The following HEATR5A variants were observed in gnomAD, a reference collection of about 807,000 sequenced individuals.
HEATR5A encodes the protein HEAT repeat containing 5A.
A neutral mutation model predicts 218.8 loss-of-function variants in HEATR5A; 178 were observed. That is an observed-to-expected ratio of 0.81 (90% confidence interval 0.72 to 0.92). The LOEUF (loss-of-function observed/expected upper bound fraction) is 0.92. Ranked by LOEUF, HEATR5A falls within the 40% of genes least tolerant of loss-of-function variation. HEATR5A has a pLI of 0.00. For synonymous variants in HEATR5A, 864 were observed against 871.6 expected (o/e 0.99, Z 0.15); for missense variants, 2,420 against 2,418.9 (o/e 1.00, Z -0.01).
chr14:31,313,068 A>G lies in HEATR5A; in HGVS notation c.4341T>C (p.Tyr1447=), dbSNP rs775968804. ...CSSDGLLDLV[Y]ADLGTLSRLW... is the part of the protein sequence containing the mutation. Reference sequence around the variant, plus strand: ...GTCTGCTTAGTGTGCCAAGATCTGCATAGACTAAGTCAAGCAGTCCATCTG... The same window carrying G: ...GTCTGCTTAGTGTGCCAAGATCTGCGTAGACTAAGTCAAGCAGTCCATCTG... The change falls in exon 28 of 36, where the codon TAT becomes TAC. Residue 1447 remains tyrosine (Y), a synonymous_variant. Coordinates refer to ENST00000543095, the MANE Select transcript of HEATR5A (RefSeq NM_015473.4). The G allele has an allele frequency of 1.2e-6, 2 of 1,613,862 alleles. No homozygotes were observed. The highest frequency in any genetic ancestry group is 1.7e-5 in the Admixed American group (1 of 60,012).
At chr14:31,294,429 ATTT>A (rs3033605) in intron 34 of HEATR5A, among the ~76,000 whole-genome samples, 2 of 142,564 alleles carry the variant, frequency 1.4e-5, no homozygotes, top group Non-Finnish European at 1.5e-5. Context: ...CTCCTGTAAC[ATTT>A]TTTTTTTTTT....
chr14:31,374,749 C>A, intron 12 of HEATR5A, 67 bp downstream of exon 12: 1 of 1,416,894 alleles, frequency 7.1e-7, no homozygotes. Flanking sequence ...CATACAAGTA[C>A]ATGTTAAAGA....
At chr14:31,338,145 C>T (rs375329259) in intron 21 of HEATR5A, among the ~76,000 whole-genome samples, 1 of 152,104 alleles carries the variant, frequency 6.6e-6, no homozygotes, top group East Asian at 1.9e-4. Flanking sequence ...CTCTAGAGTG[C>T]CTTAGTTTCC....
intron 18 of HEATR5A, among the ~76,000 whole-genome samples, chr14:31,349,565 T>C (rs780459076): frequency 1.3e-5 from 2 of 152,262 alleles, no homozygotes; most frequent in African/African-American, 4.8e-5. Context: ...ATATAGATTC[T>C]GATCTTTCTT....
chr14:31,337,867 A>T (rs1481817282), intron 21 of HEATR5A, among the ~76,000 whole-genome samples: 1 of 152,244 alleles, frequency 6.6e-6, no homozygotes, highest in Non-Finnish European at 1.5e-5. Context: ...GTCTTTTGGC[A>T]GTGTCAGAAG....
At chr14:31,326,133 T>C (rs1185385609) in intron 23 of HEATR5A, 30 bp downstream of exon 23, 2 of 1,567,784 alleles carry the variant, frequency 1.3e-6, no homozygotes, top group African/African-American at 2.7e-5. Context: ...TTCAATTTTA[T>C]TATTTTAACT....
rs117714871 is a variant in HEATR5A at position 31,414,215 on chromosome 14, C to A, written c.-75+6257G>T. On this transcript the variant is annotated intron_variant, in intron 1 of 35. Coordinates refer to ENST00000543095, the MANE Select transcript of HEATR5A (RefSeq NM_015473.4). The stretch of plus-strand genomic sequence containing the variant: ...AGAAGTTTTACTTTTCTTGTATCTC[C>A]CACCACACTCTTCTGAAAGTCACTA... 9.7e-4 allele frequency among the ~76,000 whole-genome samples: 148 copies of A among 152,228 alleles called. 1 individual carries two copies. In the East Asian group the frequency reaches 0.02, roughly 21 times the overall value.
Position 31,372,691 on chromosome 14 carries a change from G to C in HEATR5A, c.1862-782C>G, listed in dbSNP as rs536769390. 2.0e-5 allele frequency among the ~76,000 whole-genome samples: 3 copies of C among 152,174 alleles called. No homozygotes were observed. In the East Asian group the frequency reaches 5.8e-4, roughly 29 times the overall value. On this transcript the variant is annotated intron_variant, in intron 12 of 35. Transcript: ENST00000543095. ...AAAAATACAAAATTAGCTGAGCATG[G>C]TGGCGCATGCCTGTAATCCCAGCTA...
chr14:31,387,916 T>G (rs980184590), intron 7 of HEATR5A, among the ~76,000 whole-genome samples: 1 of 152,204 alleles, frequency 6.6e-6, no homozygotes, highest in African/African-American at 2.4e-5. Flanking sequence ...TGTTTTATTT[T>G]GGTCAGACTA....
At chr14:31,340,972 G>C (rs1353848861) in intron 21 of HEATR5A, among the ~76,000 whole-genome samples, 1 of 152,228 alleles carries the variant, frequency 6.6e-6, no homozygotes. Context: ...GGAAGTTAAA[G>C]AGCATGCAGT....
intron 6 of HEATR5A, 112 bp from the exon 7 acceptor site, chr14:31,389,117 C>G: frequency 1.0e-6 from 1 of 985,732 alleles, no homozygotes; most frequent in Non-Finnish European, 1.5e-6. Flanking sequence ...AAAATTCAAA[C>G]AAAATGCAAA....
chr14:31,397,992 G>T (rs2030724679), intron 4 of HEATR5A, among the ~76,000 whole-genome samples: 1 of 151,936 alleles, frequency 6.6e-6, no homozygotes, highest in Admixed American at 6.6e-5. Context: ...TACATATTAG[G>T]GACCACGGAT....
intron 22 of HEATR5A, 150 bp from the exon 23 acceptor site, chr14:31,326,492 T>C (rs1900270267): frequency 1.6e-6 from 1 of 618,494 alleles, no homozygotes; most frequent in Non-Finnish European, 2.8e-6. Context: ...CTGAGATCCA[T>C]TTTAGTTCAC....
chr14:31,321,651 A>G lies in HEATR5A; in HGVS notation c.3817T>C (p.Leu1273=). 6.2e-7 allele frequency: 1 copy of G among 1,608,816 alleles called. No individual in the cohort carries two copies. Among genetic ancestry groups the G allele is most frequent in the Non-Finnish European group, 8.5e-7 (1 of 1,177,738 alleles). The change falls in exon 25 of 36, where the codon TTA becomes CTA. Residue 1273 remains leucine (L), a synonymous_variant. Transcript: ENST00000543095. Reference sequence around the variant, plus strand: ...GCAGCCATAAAAGCCATGCGAATTAAGTCAGCAAGATGCAGTACCAAAAAG... The same window carrying G: ...GCAGCCATAAAAGCCATGCGAATTAGGTCAGCAAGATGCAGTACCAAAAAG... ...NDFLVLHLAD[L]IRMAFMAATD... is the part of the protein sequence containing the mutation.
In HEATR5A at chr14:31,347,802, A is replaced by T; in HGVS notation, c.2814T>A (p.Ser938=). The T allele has an allele frequency of 6.2e-7, 1 of 1,611,896 alleles. No individual in the cohort carries two copies. The highest frequency in any genetic ancestry group is 8.5e-7 in the Non-Finnish European group (1 of 1,178,946). The change falls in exon 19 of 36, where the codon TCT becomes TCA. Residue 938 remains serine, a synonymous_variant. Coordinates refer to ENST00000543095, the MANE Select transcript of HEATR5A (RefSeq NM_015473.4). The part of the protein sequence containing the change: ...GGISSSQHLN[S]CIGILYTLAQ... ...CCAAAGTATAAAGGATTCCAATACAAGAATTTAGGTGTTGAGAAGAACTTA... is the reference window on the plus strand; with the variant it reads ...CCAAAGTATAAAGGATTCCAATACATGAATTTAGGTGTTGAGAAGAACTTA...
intron 22 of HEATR5A, among the ~76,000 whole-genome samples, chr14:31,334,102 A>G (rs1900570273): frequency 6.6e-6 from 1 of 151,564 alleles, no homozygotes; most frequent in Non-Finnish European, 1.5e-5. Flanking sequence ...TCTGTTTACA[A>G]CTGGGTTTAC....
intron 11 of HEATR5A, among the ~76,000 whole-genome samples, chr14:31,379,565 A>G (rs1284212381): frequency 6.6e-6 from 1 of 152,154 alleles, no homozygotes; most frequent in Non-Finnish European, 1.5e-5. Context: ...CAGTTGTTTT[A>G]TATCTAGCTA....
intron 32 of HEATR5A, among the ~76,000 whole-genome samples, chr14:31,303,708 C>G (rs896488916): frequency 6.6e-6 from 1 of 152,018 alleles, no homozygotes; most frequent in Non-Finnish European, 1.5e-5. Context: ...TTTAGGGAAG[C>G]CTTTATACAT....
At chr14:31,392,966 G>GTTTCCAAAA (rs1183003781) in intron 6 of HEATR5A, among the ~76,000 whole-genome samples, 4 of 152,188 alleles carry the variant, frequency 2.6e-5, no homozygotes, top group Non-Finnish European at 5.9e-5. Flanking sequence ...ACCCTGGGTG[G>GTTTCCAAAA]CAGAGTGAGA....
Sources: gnomAD v4.1 joint callset for allele counts (sites outside exome capture counted in the v4.1 genomes callset) on GRCh38, gnomAD v4.1.1 for gene constraint, MANE v1.5 for transcripts, NCBI Gene and HGNC (gene_info 2026-07-23, HGNC 2026-07-21) for gene names.